TXNDC16: variants seen among roughly 807,000 people sequenced by gnomAD.
TXNDC16 encodes the protein thioredoxin domain-containing protein 16.
TXNDC16 carries 74 observed loss-of-function variants against 85.6 expected under a neutral mutation model. That is an observed-to-expected ratio of 0.86 (90% confidence interval 0.72 to 1.05). TXNDC16 has a LOEUF of 1.05. Ranked by LOEUF, TXNDC16 falls within the 50% of genes least tolerant of loss-of-function variation. The pLI is 0.00. For missense variants in TXNDC16, 959 were observed against 947.0 expected, an observed-to-expected ratio of 1.01 and a Z score of -0.17; for synonymous variants, 335 against 326.5, an observed-to-expected ratio of 1.03 and a Z score of -0.28.
At chr14:52,486,370 A>G (rs1218292239) in intron 12 of TXNDC16, among the ~76,000 whole-genome samples, 2 of 144,372 alleles carry the variant, frequency 1.4e-5, no homozygotes, top group African/African-American at 2.6e-5. Flanking sequence ...TGCAACCTCC[A>G]GCTCCTGGGC....
rs139850149 is a variant in TXNDC16, at chr14:52,491,122, A to G, written c.757-117T>C. 4.4e-4 allele frequency: 504 copies of G among 1,144,218 alleles called. 3 individuals are homozygous for G. In the East Asian group the frequency reaches 9.0e-3, roughly 20 times the overall value. The allele number at this position is 1,144,218 out of a possible 1,614,324, so 70.9% of individuals were successfully genotyped here. ...GTAAAAAAAAGTGTAAAATAATCCA[A>G]CACTAACAGAAACGATCTCTTAATT... On this transcript the variant is annotated intron_variant, in intron 9 of 20. Transcript: ENST00000281741.
intron 5 of TXNDC16, 113 bp from the exon 6 acceptor site, chr14:52,536,906 C>T (rs2037715457): frequency 1.2e-6 from 1 of 866,796 alleles, no homozygotes; most frequent in African/African-American, 1.7e-5. Flanking sequence ...GATGTTACAG[C>T]TGTGTCTTGT....
At chr14:52,454,375 G>A (rs1425174566) in intron 18 of TXNDC16, among the ~76,000 whole-genome samples, 3 of 149,140 alleles carry the variant, frequency 2.0e-5, no homozygotes, top group South Asian at 2.1e-4. Flanking sequence ...GCAGTGAGCC[G>A]AGATCACATC....
chr14:52,546,798 G>A (rs2037950097), intron 1 of TXNDC16, among the ~76,000 whole-genome samples: 3 of 152,174 alleles, frequency 2.0e-5, no homozygotes, highest in South Asian at 2.1e-4. Context: ...CCACCTTAAC[G>A]AAAACTCCAA....
intron 16 of TXNDC16, chr14:52,462,786 A>T: frequency 2.7e-6 from 1 of 371,102 alleles, no homozygotes; most frequent in Non-Finnish European, 5.2e-6. Flanking sequence ...TTTCATTTGA[A>T]ATGTTCTACT....
chr14:52,547,087 G>C (rs1322762094), intron 1 of TXNDC16, among the ~76,000 whole-genome samples: 1 of 152,178 alleles, frequency 6.6e-6, no homozygotes, highest in Non-Finnish European at 1.5e-5. Flanking sequence ...GGTATTAAAA[G>C]AAAAATACCC....
chr14:52,544,907 G>T (rs1287303991), intron 1 of TXNDC16, among the ~76,000 whole-genome samples: 1 of 151,976 alleles, frequency 6.6e-6, no homozygotes, highest in Non-Finnish European at 1.5e-5. Flanking sequence ...GGGTATCATT[G>T]ACATTAAAAT....
intron 6 of TXNDC16, among the ~76,000 whole-genome samples, chr14:52,535,816 A>G (rs2037686985): frequency 6.6e-6 from 1 of 152,148 alleles, no homozygotes; most frequent in Admixed American, 6.5e-5. Context: ...TAGAGAATCC[A>G]GAAAGAAACC....
At position 52,542,363 on chromosome 14, in the gene TXNDC16, C is replaced by T; in HGVS notation, c.243+8G>A. ...ACTAATATTTTAGTAACATAAATAT[C>T]TTTCTACCTTGGCAACTGAAATTCC... On this transcript the variant is annotated splice_region_variant and intron_variant, in intron 4 of 20. Coordinates refer to ENST00000281741, the MANE Select transcript of TXNDC16 (RefSeq NM_020784.3). 6.3e-7 allele frequency: 1 copy of T among 1,587,300 alleles called. No individual in the cohort carries two copies. The highest frequency in any genetic ancestry group is 8.6e-7 in the Non-Finnish European group (1 of 1,162,632).
intron 14 of TXNDC16, among the ~76,000 whole-genome samples, chr14:52,478,469 G>T (rs1427513201): frequency 6.6e-6 from 1 of 152,030 alleles, no homozygotes; most frequent in Admixed American, 6.6e-5. Context: ...ATCCAAATAA[G>T]CTCTATTAGA....
In TXNDC16 at chr14:52,458,224, T is replaced by TCA. The variant is rs564737410; in HGVS notation, c.1619-1052_1619-1051dup. Among the ~76,000 whole-genome samples, 455 of 152,288 alleles carry TCA rather than the reference T, an allele frequency of 3.0e-3. 2 individuals are homozygous for TCA. The highest frequency in any genetic ancestry group is 0.01 in the African/African-American group (429 of 41,572). On this transcript the variant is annotated intron_variant, in intron 16 of 20. Coordinates refer to ENST00000281741, the MANE Select transcript of TXNDC16 (RefSeq NM_020784.3). The stretch of plus-strand genomic sequence containing the variant: ...AGGAAAGCAAACTTACTAGAGTAGC[T>TCA]CAGTAGGCAGCATGGGGAGCTCATT...
At chr14:52,501,585 T>C (rs534891352) in intron 9 of TXNDC16, among the ~76,000 whole-genome samples, 4 of 152,312 alleles carry the variant, frequency 2.6e-5, no homozygotes, top group African/African-American at 7.2e-5. Flanking sequence ...TCAGTAGTAC[T>C]ATGAGAGAAT....
At chr14:52,450,810 G>C (rs2035389138) in intron 18 of TXNDC16, among the ~76,000 whole-genome samples, 1 of 150,790 alleles carries the variant, frequency 6.6e-6, no homozygotes, top group African/African-American at 2.4e-5. Context: ...TACAGAACCA[G>C]CCCAAACGCC....
At chr14:52,501,305 ATCT>A (rs776476707) in intron 9 of TXNDC16, among the ~76,000 whole-genome samples, 31 of 152,224 alleles carry the variant, frequency 2.0e-4, no homozygotes, top group Non-Finnish European at 4.0e-4. Context: ...AGCAATCTGC[ATCT>A]ATTTTCATAT....
At chr14:52,488,828 T>TG (rs1213544664) in intron 11 of TXNDC16, among the ~76,000 whole-genome samples, 24 of 48,650 alleles carry the variant, frequency 4.9e-4, no homozygotes, top group Admixed American at 2.7e-3. Flanking sequence ...GGCGAGACTC[T>TG]GGGAAAAAAA....
intron 14 of TXNDC16, 49 bp from the exon 15 acceptor site, chr14:52,470,729 C>A (rs775548081): frequency 1.3e-6 from 2 of 1,527,246 alleles, no homozygotes; most frequent in Admixed American, 3.8e-5. Flanking sequence ...GTAGAAAATG[C>A]ATTTGCTTAG....
At chr14:52,483,421 A>G (rs1285105206) in intron 12 of TXNDC16, among the ~76,000 whole-genome samples, 1 of 152,228 alleles carries the variant, frequency 6.6e-6, no homozygotes, top group Non-Finnish European at 1.5e-5. Flanking sequence ...CTGAGAGATT[A>G]TAACAGGGCT....
chr14:52,550,840 C>T (rs2038027529), intron 1 of TXNDC16, among the ~76,000 whole-genome samples: 1 of 152,254 alleles, frequency 6.6e-6, no homozygotes, highest in Non-Finnish European at 1.5e-5. Flanking sequence ...CACATTACTG[C>T]AATCAATTAC....
chr14:52,448,150 A>T (rs1346586973), intron 18 of TXNDC16, among the ~76,000 whole-genome samples: 1 of 152,024 alleles, frequency 6.6e-6, no homozygotes, highest in Non-Finnish European at 1.5e-5. Context: ...AGTAACAGAG[A>T]ATTTCCCAAA....
Sources: gnomAD v4.1 joint callset for allele counts (sites outside exome capture counted in the v4.1 genomes callset) on GRCh38, gnomAD v4.1.1 for gene constraint, MANE v1.5 for transcripts, NCBI Gene and HGNC (gene_info 2026-07-23, HGNC 2026-07-21) for gene names.